The following RTN4IP1 variants were observed in gnomAD, a reference collection of about 807,000 sequenced individuals.
RTN4IP1 encodes NAD(P)H oxidoreductase RTN4IP1, mitochondrial.
Under a neutral mutation model 46.6 loss-of-function variants are expected in RTN4IP1, and 32 were observed. The observed-to-expected ratio is 0.69, with a 90% confidence interval of 0.52 to 0.92. The LOEUF (loss-of-function observed/expected upper bound fraction) is 0.92, where lower values mean the gene tolerates loss of function less well. Among genes scored for constraint, RTN4IP1 ranks in the 40% least tolerant of loss-of-function variants. The probability of loss-of-function intolerance (pLI) is 0.00; values close to 1 mark genes in which losing one functional copy is unlikely to be tolerated. For synonymous variants in RTN4IP1, 167 were observed against 161.8 expected (o/e 1.03, Z -0.24); for missense variants, 424 against 485.8 (o/e 0.87, Z 1.20).
At chr6:106,598,087 G>T (rs1453753763) in intron 5 of RTN4IP1, among the ~76,000 whole-genome samples, 2 of 152,068 alleles carry the variant, frequency 1.3e-5, no homozygotes, top group Non-Finnish European at 1.5e-5. Flanking sequence ...TCTTAATCCA[G>T]TCTATCATTG....
chr6:106,630,022 G>A (rs1256212976), upstream of RTN4IP1, among the ~76,000 whole-genome samples: 5 of 152,164 alleles, frequency 3.3e-5, no homozygotes, highest in Admixed American at 2.6e-4. Context: ...GGCTTGCGGG[G>A]CCACTTCAGT....
chr6:106,615,287 C>T (rs898896), intron 4 of RTN4IP1, among the ~76,000 whole-genome samples: 100,249 of 151,844 alleles, frequency 0.66, 33,626 homozygotes, highest in Non-Finnish European at 0.7. Flanking sequence ...ATAAGCATAT[C>T]GGTAGGGAAT....
intron 1 of RTN4IP1, among the ~76,000 whole-genome samples, chr6:106,626,360 C>A (rs754409837): frequency 1.1e-4 from 17 of 151,884 alleles, no homozygotes; most frequent in Admixed American, 5.9e-4. Flanking sequence ...AAAAAAAAAA[C>A]AACTTCACTT....
At chr6:106,592,660 A>G (rs1582869549) in intron 5 of RTN4IP1, among the ~76,000 whole-genome samples, 1 of 152,342 alleles carries the variant, frequency 6.6e-6, no homozygotes, top group Non-Finnish European at 1.5e-5. Flanking sequence ...GCGGTGGCTC[A>G]CGCCTGTAAT....
intron 5 of RTN4IP1, among the ~76,000 whole-genome samples, chr6:106,594,766 T>A (rs1161086917): frequency 6.6e-6 from 1 of 152,126 alleles, no homozygotes; most frequent in East Asian, 1.9e-4. Flanking sequence ...AAACGTGGTA[T>A]CTTTTAAATC....
rs576501011 is a variant in RTN4IP1, at chr6:106,600,043, T to C, written c.669+2831A>G. 6.4e-4 allele frequency among the ~76,000 whole-genome samples: 97 copies of C among 152,208 alleles called. 2 individuals are homozygous for C. Among genetic ancestry groups the C allele is most frequent in the Non-Finnish European group, 1.2e-3 (83 of 68,014 alleles). On this transcript the variant is annotated intron_variant, in intron 5 of 8. Transcript: ENST00000369063. ...GAGCCTCTGGATTGGATTCTGATTA[T>C]CAAATGATGAGTTAAAAGAAGTTAA...
At chr6:106,575,032 AAC>A (rs1277491284) in intron 8 of RTN4IP1, among the ~76,000 whole-genome samples, 1 of 152,252 alleles carries the variant, frequency 6.6e-6, no homozygotes, top group Admixed American at 6.5e-5. Flanking sequence ...TGTGACAGCA[AAC>A]AGAGATTAAC....
intron 4 of RTN4IP1, among the ~76,000 whole-genome samples, chr6:106,616,057 T>C (rs1293835067): frequency 6.6e-6 from 1 of 152,182 alleles, no homozygotes; most frequent in Non-Finnish European, 1.5e-5. Flanking sequence ...TAGCTTGAAC[T>C]ACATGTGTGT....
intron 3 of RTN4IP1, among the ~76,000 whole-genome samples, chr6:106,620,995 C>A (rs1388096096): frequency 6.6e-6 from 1 of 152,164 alleles, no homozygotes; most frequent in Admixed American, 6.5e-5. Flanking sequence ...TAGCCAATTT[C>A]CTCAATGTTA....
chr6:106,583,253 G>A, intron 8 of RTN4IP1, 75 bp downstream of exon 8: 1 of 1,170,590 alleles, frequency 8.5e-7, no homozygotes, highest in Non-Finnish European at 1.3e-6. Context: ...CTACTAACGA[G>A]GCTCAGTGGG....
At chr6:106,610,391 A>C (rs1263094807) in intron 4 of RTN4IP1, among the ~76,000 whole-genome samples, 2 of 152,134 alleles carry the variant, frequency 1.3e-5, no homozygotes, top group African/African-American at 2.4e-5. Context: ...GCCAACAATA[A>C]GCCGGTCGGT....
chr6:106,619,586 T>C (rs1300766218), intron 3 of RTN4IP1, among the ~76,000 whole-genome samples: 1 of 146,990 alleles, frequency 6.8e-6, no homozygotes, highest in African/African-American at 2.6e-5. Context: ...ACTTAATGAA[T>C]AGTAAGTATA....
At chr6:106,615,570 G>A (rs1182430187) in intron 4 of RTN4IP1, among the ~76,000 whole-genome samples, 1 of 152,112 alleles carries the variant, frequency 6.6e-6, no homozygotes, top group Admixed American at 6.6e-5. Flanking sequence ...CGCCTCCCGT[G>A]TTCAAGCAAT....
intron 6 of RTN4IP1, among the ~76,000 whole-genome samples, chr6:106,591,005 A>T (rs915083898): frequency 2.0e-5 from 3 of 152,136 alleles, no homozygotes; most frequent in African/African-American, 7.2e-5. Flanking sequence ...CACCTACTAC[A>T]TGCTACTACA....
intron 5 of RTN4IP1, among the ~76,000 whole-genome samples, chr6:106,595,354 G>T (rs1377766418): frequency 6.6e-6 from 1 of 152,110 alleles, no homozygotes; most frequent in Non-Finnish European, 1.5e-5. Context: ...GGCAAAACTA[G>T]AGGAGGCACA....
chr6:106,607,754 A>T (rs1776122150), intron 4 of RTN4IP1: 1 of 152,214 alleles, frequency 6.6e-6, no homozygotes, highest in South Asian at 2.1e-4. Context: ...AATTGGAATG[A>T]CACAAAGATT....
chr6:106,606,016 T>C (rs1776064100), intron 4 of RTN4IP1, among the ~76,000 whole-genome samples: 1 of 152,110 alleles, frequency 6.6e-6, no homozygotes, highest in African/African-American at 2.4e-5. Flanking sequence ...GGATGTCAAA[T>C]TGTCCCTCTT....
At position 106,605,579 on chromosome 6, in the gene RTN4IP1, C is replaced by T. The variant is rs1039870687; in HGVS notation, c.621-2657G>A. ...CTGTAATCCCAGCACTTTGGGAGGC[C>T]GAGGTGGGCAGATCACGAGGTCAGG... On this transcript the variant is annotated intron_variant, in intron 4 of 8. Transcript: ENST00000369063. 7.9e-5 allele frequency among the ~76,000 whole-genome samples: 12 copies of T among 151,656 alleles called. No individual in the cohort carries two copies. The South Asian group carries it at 8.4e-4, about 11-fold the overall frequency.
chr6:106,592,748 A>G (rs1029641277), intron 5 of RTN4IP1, among the ~76,000 whole-genome samples: 13 of 152,120 alleles, frequency 8.5e-5, no homozygotes, highest in African/African-American at 3.1e-4. Flanking sequence ...ACATGGTGAA[A>G]CCCCGTCTCT....
Sources: gnomAD v4.1 joint callset for allele counts (sites outside exome capture counted in the v4.1 genomes callset) on GRCh38, gnomAD v4.1.1 for gene constraint, MANE v1.5 for transcripts, NCBI Gene and HGNC (gene_info 2026-07-23, HGNC 2026-07-21) for gene names.